Variants in CALCR observed in about 807,000 individuals in gnomAD.
CALCR encodes calcitonin receptor.
CALCR carries 47 observed loss-of-function variants against 59.5 expected under a neutral mutation model. The ratio of observed to expected loss-of-function variants is 0.79; its 90% confidence interval spans 0.63 to 1.01. The LOEUF (loss-of-function observed/expected upper bound fraction) is 1.01. Ranked by LOEUF, CALCR falls within the 50% of genes least tolerant of loss-of-function variation. The pLI is 0.00. For missense variants in CALCR, 566 were observed against 597.1 expected, an observed-to-expected ratio of 0.95 and a Z score of 0.54; for synonymous variants, 213 against 211.3, an observed-to-expected ratio of 1.01 and a Z score of -0.07.
chr7:93,516,989 C>T (rs1046166676), intron 2 of CALCR, among the ~76,000 whole-genome samples: 14 of 151,732 alleles, frequency 9.2e-5, no homozygotes, highest in Admixed American at 2.0e-4. Flanking sequence ...TAGGACATTG[C>T]GGTGGCTTTT....
chr7:93,442,652 G>T (rs1399446044), intron 9 of CALCR, among the ~76,000 whole-genome samples: 1 of 152,050 alleles, frequency 6.6e-6, no homozygotes, highest in African/African-American at 2.4e-5. Flanking sequence ...ACTTGTAGGG[G>T]CTCCCCAGCC....
chr7:93,562,671 G>C (rs957587214), intron 2 of CALCR, among the ~76,000 whole-genome samples: 1 of 152,030 alleles, frequency 6.6e-6, no homozygotes, highest in African/African-American at 2.4e-5. Context: ...TATTTAATGT[G>C]GGGCAAAATC....
At chr7:93,567,458 A>C (rs749323761) in intron 2 of CALCR, among the ~76,000 whole-genome samples, 9 of 152,228 alleles carry the variant, frequency 5.9e-5, no homozygotes, top group Non-Finnish European at 1.0e-4. Flanking sequence ...AGATTAAACC[A>C]CCATAAAACA....
At chr7:93,427,090 A>G (rs1799546520) in intron 13 of CALCR, among the ~76,000 whole-genome samples, 3 of 152,234 alleles carry the variant, frequency 2.0e-5, no homozygotes, top group South Asian at 2.1e-4. Context: ...GGGTTATGCC[A>G]GATACATCTC....
chr7:93,550,027 T>G (rs1270027423), intron 2 of CALCR, among the ~76,000 whole-genome samples: 1 of 152,202 alleles, frequency 6.6e-6, no homozygotes, highest in Non-Finnish European at 1.5e-5. Context: ...TTGTTGCACT[T>G]TAGCTAAATA....
intron 2 of CALCR, among the ~76,000 whole-genome samples, chr7:93,487,821 C>T (rs978748025): frequency 6.6e-6 from 1 of 151,058 alleles, no homozygotes; most frequent in Non-Finnish European, 1.5e-5. Context: ...TACTGTATTA[C>T]CCATAGAATT....
At chr7:93,541,415 GGCCTCCCAAAGT>G (rs1789135196) in intron 2 of CALCR, among the ~76,000 whole-genome samples, 1 of 151,766 alleles carries the variant, frequency 6.6e-6, no homozygotes, top group Non-Finnish European at 1.5e-5. Context: ...CGCCTGCCTC[GGCCTCCCAAAGT>G]GCTGGGATTA....
intron 8 of CALCR, among the ~76,000 whole-genome samples, chr7:93,459,392 T>C (rs1199341418): frequency 6.6e-6 from 1 of 152,210 alleles, no homozygotes. Context: ...CTCAAGTTTC[T>C]GATCTGTAAA....
intron 2 of CALCR, among the ~76,000 whole-genome samples, chr7:93,500,346 A>G (rs2115997767): frequency 6.6e-6 from 1 of 152,040 alleles, no homozygotes; most frequent in Middle Eastern, 3.4e-3. Flanking sequence ...TGATATCAAG[A>G]CTATTTTAAG....
At chr7:93,487,124 T>TA (rs1800964217) in intron 2 of CALCR, 117 bp from the exon 3 acceptor site, 1 of 587,566 alleles carries the variant, frequency 1.7e-6, no homozygotes, top group Non-Finnish European at 2.9e-6. Context: ...CAAGACACCC[T>TA]AAAAAACACA....
At chr7:93,561,102 G>A (rs1254012075) in intron 2 of CALCR, among the ~76,000 whole-genome samples, 1 of 152,098 alleles carries the variant, frequency 6.6e-6, no homozygotes, top group Non-Finnish European at 1.5e-5. Context: ...ATACAAATAA[G>A]AAGTATATCC....
chr7:93,476,628 T>C (rs1434141867), intron 5 of CALCR, among the ~76,000 whole-genome samples: 3 of 151,842 alleles, frequency 2.0e-5, no homozygotes, highest in Non-Finnish European at 2.9e-5. Context: ...TTGTAGTCAC[T>C]ATTTATATCC....
chr7:93,483,699 A>T (rs1358498315), intron 3 of CALCR, among the ~76,000 whole-genome samples: 1 of 151,674 alleles, frequency 6.6e-6, no homozygotes, highest in Admixed American at 6.6e-5. Flanking sequence ...ATTGGATGAA[A>T]CTACCAAACA....
intron 2 of CALCR, among the ~76,000 whole-genome samples, chr7:93,522,911 A>G (rs567337026): frequency 1.3e-5 from 2 of 152,306 alleles, no homozygotes; most frequent in East Asian, 3.9e-4. Context: ...AAGCACAATC[A>G]ATTTATTTTT....
At chr7:93,564,903 A>C (rs2116277081) in intron 2 of CALCR, among the ~76,000 whole-genome samples, 1 of 152,328 alleles carries the variant, frequency 6.6e-6, no homozygotes, top group African/African-American at 2.4e-5. Context: ...GAAAGACTCA[A>C]ACAGTGAGGC....
intron 8 of CALCR, among the ~76,000 whole-genome samples, chr7:93,451,907 A>G (rs947981032): frequency 6.6e-6 from 1 of 152,036 alleles, no homozygotes; most frequent in African/African-American, 2.4e-5. Flanking sequence ...TCTTAAATTT[A>G]TGAATGCAAG....
Position 93,464,791 on chromosome 7 carries a change from T to C in CALCR, c.522-3844A>G, listed in dbSNP as rs1485861419. Among the ~76,000 whole-genome samples, 4 of 151,950 alleles carry C rather than the reference T, an allele frequency of 2.6e-5. No individual in the cohort carries two copies. The South Asian group carries it at 6.2e-4, about 24-fold the overall frequency. ...GCCATCTTTGATACCATTGATTTCA[T>C]GGTTTCCTTGGAGCAACAGGAAGGC... On this transcript the variant is annotated intron_variant, in intron 7 of 13. Coordinates refer to ENST00000426151, the MANE Select transcript of CALCR (RefSeq NM_001742.4).
At chr7:93,566,892 T>A (rs924994139) in intron 2 of CALCR, among the ~76,000 whole-genome samples, 1 of 152,218 alleles carries the variant, frequency 6.6e-6, no homozygotes, top group African/African-American at 2.4e-5. Context: ...GATTAATTGC[T>A]TTCAGGGCTT....
chr7:93,479,397 T>C lies in CALCR; in HGVS notation c.162A>G (p.Lys54=), dbSNP rs148446985. ...GRKKMMDAQY[K]CYDRMQQLPA... is the part of the protein sequence containing the mutation. ...GTAACTGCTGCATTCGGTCATAGCA[T>C]TTGTACTGTGCATCCATCATCTTCT... Residue 54 remains lysine, a synonymous_variant, in exon 4 of 14, where the codon AAA becomes AAG. Transcript: ENST00000426151. 6.2e-6 allele frequency: 10 copies of C among 1,612,438 alleles called. No homozygotes were observed. The African/African-American group carries it at 1.2e-4, about 19-fold the overall frequency.
Sources: allele counts gnomAD v4.1 joint callset (sites outside exome capture counted in the v4.1 genomes callset), GRCh38; gene constraint gnomAD v4.1.1; transcripts MANE v1.5; gene names NCBI Gene and HGNC (gene_info 2026-07-23, HGNC 2026-07-21).